TEKT4: variants seen among roughly 807,000 people sequenced by gnomAD.
TEKT4 encodes the protein tektin 4.
Under a neutral mutation model 46.0 loss-of-function variants are expected in TEKT4, and 46 were observed. The observed-to-expected ratio is 1.00, with a 90% CI of 0.79 to 1.28. The LOEUF (loss-of-function observed/expected upper bound fraction) is 1.28. Ranked by LOEUF, TEKT4 falls within the 50% of genes most tolerant of loss-of-function variation. TEKT4 has a pLI of 0.00. For synonymous variants in TEKT4, 325 were observed against 265.8 expected (o/e 1.22, Z -2.17); for missense variants, 790 against 622.9 (o/e 1.27, Z -2.85).
At position 94,871,789 on chromosome 2, in the gene TEKT4, G is replaced by T. The variant is rs368156788; in HGVS notation, c.210G>T (p.Gln70His). The T allele has an allele frequency of 1.1e-4, 174 of 1,611,780 alleles. No homozygotes were observed. Among genetic ancestry groups the T allele is most frequent in the Non-Finnish European group, 1.4e-4 (168 of 1,179,612 alleles). ...CGGAGCGGCAGCGGCACGAGAGCCA[G>T]CAGCTGGCCACAGAGACCCAGGCGC... is the stretch of plus-strand genomic sequence containing the variant. ...DQSERQRHES[Q>H]QLATETQALA... Residue 70 changes from glutamine to histidine, a missense_variant, in exon 1 of 6, where the codon CAG becomes CAT. Coordinates refer to ENST00000295201, the MANE Select transcript of TEKT4 (RefSeq NM_144705.4).
rs114633243 is a variant in TEKT4 at position 94,871,961 on chromosome 2, C to T, written c.382C>T (p.Arg128Cys). The T allele has an allele frequency of 3.9e-5, 63 of 1,601,100 alleles. No individual in the cohort carries two copies. The highest frequency in any genetic ancestry group is 4.9e-5 in the Non-Finnish European group (58 of 1,177,246). Residue 128 changes from arginine to cysteine, a missense_variant, in exon 1 of 6, where the codon CGC (arginine) becomes TGC (cysteine). By Grantham distance (180) the Arg-to-Cys change is radical. Transcript: ENST00000295201. The part of the protein sequence containing the change: ...LLLAQKQRLE[R>C]ALDATEVPFS... ...CCTGGCCCAGAAGCAACGGCTGGAG[C>T]GCGCCCTGGACGCCACAGAGGTGCC... is the stretch of plus-strand genomic sequence containing the variant.
Position 94,871,515 on chromosome 2 carries a change from G to A in TEKT4, c.-65G>A. 2 of 1,489,764 alleles carry A rather than the reference G, an allele frequency of 1.3e-6. No individual in the cohort carries two copies. The highest frequency in any genetic ancestry group is 1.8e-6 in the Non-Finnish European group (2 of 1,120,680). The allele number at this position is 1,489,764 out of a possible 1,614,324, so 92.3% of individuals were successfully genotyped here. A position where few individuals can be genotyped will look rare whatever the true frequency, so the allele number is the denominator to read the frequency against. On this transcript the variant is annotated 5_prime_UTR_variant, in exon 1 of 6. Coordinates refer to ENST00000295201, the MANE Select transcript of TEKT4 (RefSeq NM_144705.4). ...GGAGCTGCCCCGCTGACCGCACTAGGCTGACCGCAACCGGCTGACCACACA... is the reference window on the plus strand; with the variant it reads ...GGAGCTGCCCCGCTGACCGCACTAGACTGACCGCAACCGGCTGACCACACA...
intron 2 of TEKT4, 84 bp downstream of exon 2, chr2:94,873,674 A>G (rs1342579500): frequency 5.3e-5 from 82 of 1,558,662 alleles, no homozygotes; most frequent in Non-Finnish European, 7.1e-5. Context: ...CAGGACCCTG[A>G]GACTCAGAGC....
rs199967590 is a variant in TEKT4, at chr2:94,871,602, G to A, written c.23G>A (p.Cys8Tyr). ...ACCATGGCGCAGACAGTGCCGCCCT[G>A]CGAGCTGCCCTGCAAAGAGTACGAC... MAQTVPPCELPCKEYDVA... is the reference protein window; with the variant it reads MAQTVPPYELPCKEYDVA... The change falls in exon 1 of 6, where the codon TGC becomes TAC. Residue 8 changes from cysteine to tyrosine, a missense_variant. By Grantham distance (194) the Cys-to-Tyr change is radical (BLOSUM62 -2). Coordinates refer to ENST00000295201, the MANE Select transcript of TEKT4 (RefSeq NM_144705.4). 3 of 1,609,550 alleles carry A rather than the reference G, an allele frequency of 1.9e-6. No individual in the cohort carries two copies. The highest frequency in any genetic ancestry group is 2.5e-6 in the Non-Finnish European group (3 of 1,178,488).
chr2:94,872,236 A>G, intron 1 of TEKT4, 159 bp downstream of exon 1: 1 of 941,002 alleles, frequency 1.1e-6, no homozygotes, highest in Non-Finnish European at 1.5e-6. Flanking sequence ...CCCCTTAGTG[A>G]CAGGAGGCAG....
At chr2:94,873,182 C>T in intron 1 of TEKT4, 1 of 1,245,428 alleles carries the variant, frequency 8.0e-7, no homozygotes, top group Non-Finnish European at 1.0e-6. Flanking sequence ...TCCTCAGGGG[C>T]TGTCCAGAGG....
At chr2:94,872,664 G>A in intron 1 of TEKT4, 1 of 435,438 alleles carries the variant, frequency 2.3e-6, no homozygotes, top group Non-Finnish European at 4.0e-6. Context: ...AGAGCCTGGG[G>A]CCTCCCTGAG....
Position 94,873,892 on chromosome 2 carries a change from G to A in TEKT4, c.570-73G>A, listed in dbSNP as rs138666858. ...CTCCTGAGGCAGGCATTGGGGCCCA[G>A]CCTGCAGCACAGAGGGTCCCCAGCA... On this transcript the variant is annotated intron_variant, in intron 2 of 5. Transcript: ENST00000295201. 436 of 1,586,018 alleles carry A rather than the reference G, an allele frequency of 2.7e-4. 7 individuals carry two copies. In the South Asian group the frequency reaches 4.6e-3, roughly 17 times the overall value.
Position 94,874,851 on chromosome 2 carries a change from G to C in TEKT4, c.789G>C (p.Ser263=), listed in dbSNP as rs201565255. 185 of 1,607,966 alleles carry C rather than the reference G, an allele frequency of 1.2e-4. No individual in the cohort carries two copies. The East Asian group carries it at 3.9e-3, about 34-fold the overall frequency. Residue 263 remains serine, a synonymous_variant, in exon 4 of 6, where the codon TCG becomes TCC. Transcript: ENST00000295201. ...LCRAQRERLA[S]ANLRVLVDCI... ...GTGCCCAGCGCGAGCGCCTGGCCTC[G>C]GCCAACCTGCGGGTGCTGGTGGACT...
At chr2:94,875,340 C>G (rs79065168) in intron 4 of TEKT4, among the ~76,000 whole-genome samples, 1 of 152,152 alleles carries the variant, frequency 6.6e-6, no homozygotes, top group Non-Finnish European at 1.5e-5. Context: ...GAGCAGGATT[C>G]AGGTCCTGGT....
In TEKT4 at chr2:94,871,596, C is replaced by A; in HGVS notation, c.17C>A (p.Pro6Gln). Reference sequence around the variant, plus strand: ...GCAGGCACCATGGCGCAGACAGTGCCGCCCTGCGAGCTGCCCTGCAAAGAG... The same window carrying A: ...GCAGGCACCATGGCGCAGACAGTGCAGCCCTGCGAGCTGCCCTGCAAAGAG... Reference protein sequence around the residue: MAQTVPPCELPCKEYD... With the variant: MAQTVQPCELPCKEYD... The change falls in exon 1 of 6, where the codon CCG becomes CAG. Residue 6 changes from proline (P) to glutamine (Q), a missense_variant. Pro to Gln is a moderately conservative substitution (Grantham distance 76). Transcript: ENST00000295201. The A allele has an allele frequency of 6.2e-7, 1 of 1,607,592 alleles. No individual in the cohort carries two copies. Among genetic ancestry groups the A allele is most frequent in the Non-Finnish European group, 8.5e-7 (1 of 1,177,578 alleles).
intron 1 of TEKT4, 129 bp downstream of exon 1, chr2:94,872,206 C>A (rs75648289): frequency 8.8e-6 from 11 of 1,251,266 alleles, no homozygotes; most frequent in Non-Finnish European, 1.2e-5. Context: ...CACGTGAGAC[C>A]CCTGAGTCCC....
intron 5 of TEKT4, 92 bp from the exon 6 acceptor site, chr2:94,876,461 G>A (rs1434124272): frequency 6.7e-5 from 74 of 1,100,452 alleles, no homozygotes; most frequent in Non-Finnish European, 8.8e-5. Context: ...CCTCCTGCCA[G>A]CTCCCATTGG....
At chr2:94,873,146 G>T (rs1437601438) in intron 1 of TEKT4, 24 of 1,225,302 alleles carry the variant, frequency 2.0e-5, no homozygotes, top group Non-Finnish European at 2.3e-5. Flanking sequence ...CAGCCTGGGC[G>T]GGCATCTGGG....
At chr2:94,875,025 G>A (rs782077112) in intron 4 of TEKT4, 27 bp downstream of exon 4, 2 of 1,557,704 alleles carry the variant, frequency 1.3e-6, no homozygotes, top group Non-Finnish European at 8.7e-7. Flanking sequence ...CCCGAAGACG[G>A]CCCCCTCTCA....
intron 2 of TEKT4, 114 bp from the exon 3 acceptor site, chr2:94,873,849 AGG>A (rs1488170252): frequency 7.0e-7 from 1 of 1,436,364 alleles, no homozygotes; most frequent in Non-Finnish European, 9.5e-7. Context: ...TGCCCGGGAC[AGG>A]CCCACCCAGA....
chr2:94,873,292 G>C (rs1553395232), intron 1 of TEKT4: 1 of 1,395,682 alleles, frequency 7.2e-7, no homozygotes, highest in African/African-American at 1.5e-5. Context: ...CTTCCCAGCA[G>C]CCCACAGAAG....
At chr2:94,873,136 C>A (rs1277016761) in intron 1 of TEKT4, 16 of 1,225,546 alleles carry the variant, frequency 1.3e-5, no homozygotes, top group Non-Finnish European at 1.7e-5. Context: ...CCCTGAGGGG[C>A]AGCCTGGGCG....
rs568153898 is a variant in TEKT4 at position 94,871,969 on chromosome 2, G to C, written c.390G>C (p.Leu130=). The C allele has an allele frequency of 4.4e-6, 7 of 1,601,382 alleles. 1 individual carries two copies. In the Middle Eastern group the frequency reaches 6.6e-4, roughly 151 times the overall value. The part of the protein sequence containing the change: ...LAQKQRLERA[L]DATEVPFSIT... ...AGAAGCAACGGCTGGAGCGCGCCCTGGACGCCACAGAGGTGCCCTTCTCCA... is the reference window on the plus strand; with the variant it reads ...AGAAGCAACGGCTGGAGCGCGCCCTCGACGCCACAGAGGTGCCCTTCTCCA... Residue 130 remains leucine, a synonymous_variant, in exon 1 of 6, where the codon CTG becomes CTC. Transcript: ENST00000295201.
Sources: gnomAD v4.1 joint callset for allele counts (sites outside exome capture counted in the v4.1 genomes callset) on GRCh38, gnomAD v4.1.1 for gene constraint, MANE v1.5 for transcripts, NCBI Gene and HGNC (gene_info 2026-07-23, HGNC 2026-07-21) for gene names.